Variants in DAPK1 observed in about 807,000 individuals in gnomAD.
DAPK1 encodes death associated protein kinase 1.
A neutral mutation model predicts 144.9 loss-of-function variants in DAPK1; 56 were observed. The observed-to-expected ratio is 0.39, with a 90% CI of 0.31 to 0.48. DAPK1 has a LOEUF of 0.48. Ranked by LOEUF, DAPK1 falls within the 20% of genes least tolerant of loss-of-function variation. The pLI is 0.95. For missense variants in DAPK1, 1,454 were observed against 1,875.4 expected (o/e 0.78, Z 4.15); for synonymous variants, 690 against 749.0 (o/e 0.92, Z 1.29).
In DAPK1 at chr9:87,707,323, G is replaced by A. The variant is rs758859409; in HGVS notation, c.4252G>A (p.Gly1418Ser). The change falls in exon 26 of 26, where the codon GGC becomes AGC. Residue 1418 changes from glycine to serine, a missense_variant. Around this residue, in one of 2 missense-constraint regions of DAPK1, gnomAD observed 1,025 missense variants for 1,237.9 expected, o/e 0.83. Transcript: ENST00000408954. The surrounding 1 kb of genome is among the most constrained non-coding windows in gnomAD (Gnocchi z 4.0). ...QEAYASSCNS[G>S]TSYNSISSVV... ...GGCCTATGCCTCGAGCTGCAACAGCGGCACCTCTTACAATTCCATTAGCTC... is the reference window on the plus strand; with the variant it reads ...GGCCTATGCCTCGAGCTGCAACAGCAGCACCTCTTACAATTCCATTAGCTC... The A allele has an allele frequency of 6.8e-6, 11 of 1,612,052 alleles. No individual in the cohort carries two copies. Among genetic ancestry groups the A allele is most frequent in the African/African-American group, 2.7e-5 (2 of 75,048 alleles).
At chr9:87,648,247 C>A (rs1830334033) in intron 14 of DAPK1, among the ~76,000 whole-genome samples, 1 of 152,198 alleles carries the variant, frequency 6.6e-6, no homozygotes. Flanking sequence ...AGTAAAGTAT[C>A]TTAAAGGATT....
chr9:87,647,691 C>T (rs1830318451), intron 14 of DAPK1, among the ~76,000 whole-genome samples: 1 of 152,204 alleles, frequency 6.6e-6, no homozygotes, highest in Non-Finnish European at 1.5e-5. Context: ...CAGAGAGAGA[C>T]CTCGGTCTCG....
intron 3 of DAPK1, among the ~76,000 whole-genome samples, chr9:87,611,881 A>G (rs138744981): frequency 0.014 from 2,173 of 152,226 alleles, 25 homozygotes; most frequent in Middle Eastern, 0.02. Context: ...CCCAAAAAGG[A>G]TATGTTGAAG....
intron 2 of DAPK1, among the ~76,000 whole-genome samples, chr9:87,581,057 T>G (rs11141903): frequency 0.43 from 64,933 of 152,048 alleles, 14,507 homozygotes; most frequent in East Asian, 0.74. Context: ...AGCTATCGCG[T>G]AACTTATCTG....
At chr9:87,687,431 T>A (rs1378097723) in intron 21 of DAPK1, among the ~76,000 whole-genome samples, 1 of 152,230 alleles carries the variant, frequency 6.6e-6, no homozygotes, top group East Asian at 1.9e-4. Flanking sequence ...CATAATGACC[T>A]CCAGTTCTAT....
chr9:87,512,321 T>C (rs1242911805), intron 2 of DAPK1, among the ~76,000 whole-genome samples: 1 of 151,262 alleles, frequency 6.6e-6, no homozygotes, highest in Admixed American at 6.6e-5. Flanking sequence ...GAGAAAGGAG[T>C]CTGAGATGAG....
intron 2 of DAPK1, among the ~76,000 whole-genome samples, chr9:87,560,572 A>C (rs1826875264): frequency 6.6e-6 from 1 of 152,066 alleles, no homozygotes; most frequent in African/African-American, 2.4e-5. Context: ...TCACATGAGT[A>C]GAATCACACA....
At chr9:87,666,803 T>C (rs972097406) in intron 18 of DAPK1, among the ~76,000 whole-genome samples, 20 of 152,226 alleles carry the variant, frequency 1.3e-4, no homozygotes, top group Non-Finnish European at 2.5e-4. Context: ...GGTGGTTCTC[T>C]TGACTTTGAA....
At chr9:87,552,932 A>C (rs1333347039) in intron 2 of DAPK1, among the ~76,000 whole-genome samples, 1 of 152,044 alleles carries the variant, frequency 6.6e-6, no homozygotes, top group Non-Finnish European at 1.5e-5. Context: ...TTAAGTGCAC[A>C]GTTCAGTGGC....
chr9:87,525,070 C>T (rs1165365874), intron 2 of DAPK1, among the ~76,000 whole-genome samples: 1 of 152,112 alleles, frequency 6.6e-6, no homozygotes. Context: ...AAACAAAAAC[C>T]GAACAGTGTG....
At chr9:87,592,310 C>T (rs1290911288) in intron 2 of DAPK1, among the ~76,000 whole-genome samples, 2 of 152,226 alleles carry the variant, frequency 1.3e-5, no homozygotes, top group South Asian at 2.1e-4. Context: ...TCCTCCTTCT[C>T]GCCCACTAGT....
chr9:87,564,615 A>G (rs1587723114), intron 2 of DAPK1, among the ~76,000 whole-genome samples: 1 of 149,814 alleles, frequency 6.7e-6, no homozygotes, highest in Non-Finnish European at 1.5e-5. Flanking sequence ...AGAGAGGAGG[A>G]AGGAGCAAGA....
At chr9:87,646,041 G>A in intron 12 of DAPK1, 27 bp downstream of exon 12, 1 of 1,607,988 alleles carries the variant, frequency 6.2e-7, no homozygotes, top group Non-Finnish European at 8.5e-7. Flanking sequence ...CCGCATACTG[G>A]AGGGGTGGGT....
rs201908003 is a variant in DAPK1, at chr9:87,643,367, A to T, written c.919-9A>T. The T allele has an allele frequency of 0.014, 11,546 of 850,094 alleles. 80 individuals are homozygous for T. The highest frequency in any genetic ancestry group is 0.12 in the African/African-American group (2,732 of 23,480). 52.7% of individuals were successfully genotyped at this position (850,094 alleles called of 1,614,324 possible). On this transcript the variant is annotated splice_polypyrimidine_tract_variant and intron_variant, in intron 10 of 25. Coordinates refer to ENST00000408954, the MANE Select transcript of DAPK1 (RefSeq NM_004938.4). ...CCTCCCTTTTTTTTTTTTTTTTTTT[A>T]AAAAAAAGCAATCCGTTCGCTTGAT...
chr9:87,659,201 A>C (rs545978268), intron 18 of DAPK1, among the ~76,000 whole-genome samples: 2 of 152,140 alleles, frequency 1.3e-5, no homozygotes, highest in Non-Finnish European at 2.9e-5. Flanking sequence ...TTCCCTCCCC[A>C]GAAGTAATAG....
intron 24 of DAPK1, 151 bp from the exon 25 acceptor site, chr9:87,702,878 G>GAA: frequency 3.5e-6 from 2 of 573,302 alleles, no homozygotes; most frequent in Non-Finnish European, 6.3e-6. Flanking sequence ...TCTAAAAAAA[G>GAA]AAAAAAAAAC....
rs539849952 is a variant in DAPK1 at position 87,662,689 on chromosome 9, T to G, written c.1923+4562T>G. Among the ~76,000 whole-genome samples, 18 of 151,444 alleles carry G rather than the reference T, an allele frequency of 1.2e-4. 1 individual carries two copies. The South Asian group carries it at 3.6e-3, about 30-fold the overall frequency. On this transcript the variant is annotated intron_variant, in intron 18 of 25. Transcript: ENST00000408954. ...GTATGTTAATTTTGTATTCTGAAAT[T>G]TTACTGAATTAATTTATTAACTCAG...
At chr9:87,637,839 A>G in intron 3 of DAPK1, 104 bp from the exon 4 acceptor site, 2 of 1,289,964 alleles carry the variant, frequency 1.6e-6, no homozygotes, top group African/African-American at 2.9e-5. Context: ...CATAGTCTTT[A>G]TGCTGTTTTC....
At chr9:87,682,365 C>T (rs1403936230) in intron 20 of DAPK1, among the ~76,000 whole-genome samples, 1 of 152,146 alleles carries the variant, frequency 6.6e-6, no homozygotes, top group African/African-American at 2.4e-5. Flanking sequence ...TTAGACAGAG[C>T]GAGTGAGTTT....
Sources: gnomAD v4.1 joint callset for allele counts (sites outside exome capture counted in the v4.1 genomes callset) on GRCh38, gnomAD v4.1.1 for gene constraint, gnomAD v4.1.1 regional missense constraint, Gnocchi (gnomAD v3.1) non-coding constraint, MANE v1.5 for transcripts, NCBI Gene and HGNC (gene_info 2026-07-23, HGNC 2026-07-21) for gene names.